The following SERPINI1 variants were observed in gnomAD, a reference collection of about 807,000 sequenced individuals.
SERPINI1 encodes the protein serpin family I member 1.
A neutral mutation model predicts 41.1 loss-of-function variants in SERPINI1; 19 were observed. The ratio of observed to expected loss-of-function variants is 0.46; its 90% confidence interval spans 0.32 to 0.68. The LOEUF (loss-of-function observed/expected upper bound fraction) is 0.68, where lower values mean the gene tolerates loss of function less well. Among genes scored for constraint, SERPINI1 ranks in the 30% least tolerant of loss-of-function variants. SERPINI1 has a pLI of 0.03. For synonymous variants in SERPINI1, 138 were observed against 156.6 expected (o/e 0.88, Z 0.89); for missense variants, 460 against 479.2 (o/e 0.96, Z 0.37).
At chr3:167,768,114 G>A (rs1358890948) in intron 1 of SERPINI1, among the ~76,000 whole-genome samples, 2 of 152,156 alleles carry the variant, frequency 1.3e-5, no homozygotes, top group East Asian at 3.9e-4. Flanking sequence ...AGAGTCCATA[G>A]ATGTGGCAAA....
At chr3:167,741,451 C>G (rs905176900) in intron 1 of SERPINI1, among the ~76,000 whole-genome samples, 11 of 152,268 alleles carry the variant, frequency 7.2e-5, no homozygotes, top group Admixed American at 2.0e-4. Flanking sequence ...AAAGAGCCCA[C>G]TAAAACATTT....
chr3:167,811,569 C>T (rs978459606), intron 6 of SERPINI1, among the ~76,000 whole-genome samples: 41 of 152,034 alleles, frequency 2.7e-4, no homozygotes, highest in East Asian at 5.8e-4. Context: ...AAAGTGATAA[C>T]GGCAGTTGCC....
rs532789935 is a variant in SERPINI1 at position 167,796,020 on chromosome 3, C to G, written c.881+1196C>G. On this transcript the variant is annotated intron_variant, in intron 5 of 8. Transcript: ENST00000446050. ...AAAATTGTTCAAGTATGATTAATTA[C>G]TGTGAGCATTAAGGTGATAAATGAG... Among the ~76,000 whole-genome samples the G allele has an allele frequency of 3.3e-5, 5 of 152,108 alleles. No homozygotes were observed. In the East Asian group the frequency reaches 9.6e-4, roughly 29 times the overall value.
intron 6 of SERPINI1, among the ~76,000 whole-genome samples, chr3:167,812,002 T>C (rs1479565982): frequency 6.6e-6 from 1 of 152,032 alleles, no homozygotes; most frequent in African/African-American, 2.4e-5. Context: ...TGGGGAAAAA[T>C]AAAACCTGCT....
At chr3:167,736,784 G>T (rs984651283) in intron 1 of SERPINI1, among the ~76,000 whole-genome samples, 1 of 152,064 alleles carries the variant, frequency 6.6e-6, no homozygotes, top group Non-Finnish European at 1.5e-5. Context: ...TGTAATGCTG[G>T]GTAAAGATGA....
At chr3:167,745,489 T>C (rs1577396619) in intron 1 of SERPINI1, among the ~76,000 whole-genome samples, 1 of 152,184 alleles carries the variant, frequency 6.6e-6, no homozygotes, top group East Asian at 1.9e-4. Flanking sequence ...AGTCTGAATA[T>C]TTCCCTTTAA....
At chr3:167,738,252 T>C (rs1323682020) in intron 1 of SERPINI1, among the ~76,000 whole-genome samples, 1 of 152,196 alleles carries the variant, frequency 6.6e-6, no homozygotes. Flanking sequence ...GTGCAGAATG[T>C]CTCTCTTGAA....
chr3:167,772,428 C>T (rs1051585579), intron 1 of SERPINI1, among the ~76,000 whole-genome samples: 2 of 152,070 alleles, frequency 1.3e-5, no homozygotes, highest in Non-Finnish European at 2.9e-5. Flanking sequence ...TTGGGTAGCC[C>T]GCCTTGCACT....
At chr3:167,736,295 T>G (rs1411168318) in intron 1 of SERPINI1, among the ~76,000 whole-genome samples, 1 of 152,218 alleles carries the variant, frequency 6.6e-6, no homozygotes, top group Non-Finnish European at 1.5e-5. Context: ...GTGGTTATTT[T>G]GCAGTTTCCT....
At chr3:167,768,030 A>G (rs577073723) in intron 1 of SERPINI1, among the ~76,000 whole-genome samples, 4 of 152,242 alleles carry the variant, frequency 2.6e-5, no homozygotes, top group Non-Finnish European at 5.9e-5. Flanking sequence ...GACTGAATCC[A>G]ATTTTGAAAG....
chr3:167,783,105 A>G (rs780113585), intron 1 of SERPINI1, among the ~76,000 whole-genome samples: 1 of 152,202 alleles, frequency 6.6e-6, no homozygotes, highest in African/African-American at 2.4e-5. Flanking sequence ...GAGGCTCAGC[A>G]TATGTTGGAT....
At chr3:167,770,361 CAA>C (rs1174212367) in intron 1 of SERPINI1, among the ~76,000 whole-genome samples, 1 of 151,978 alleles carries the variant, frequency 6.6e-6, no homozygotes, top group African/African-American at 2.4e-5. Context: ...TCTCCCAACA[CAA>C]GTTATTATTT....
At chr3:167,821,185 C>T (rs867530573) in intron 6 of SERPINI1, among the ~76,000 whole-genome samples, 1 of 152,150 alleles carries the variant, frequency 6.6e-6, no homozygotes, top group Admixed American at 6.5e-5. Flanking sequence ...ACCTGGGACC[C>T]ACCAAATGGC....
intron 5 of SERPINI1, 73 bp downstream of exon 5, chr3:167,794,897 C>A: frequency 8.6e-7 from 1 of 1,158,292 alleles, no homozygotes; most frequent in South Asian, 1.3e-5. Context: ...CCCAGAAAAA[C>A]TCTTCGAACT....
intron 6 of SERPINI1, among the ~76,000 whole-genome samples, chr3:167,811,961 T>C (rs2108569738): frequency 6.6e-6 from 1 of 152,360 alleles, no homozygotes; most frequent in Admixed American, 6.5e-5. Context: ...AATTGTATCT[T>C]TCTTCAAAAA....
intron 1 of SERPINI1, among the ~76,000 whole-genome samples, chr3:167,759,179 C>T (rs189514436): frequency 6.6e-6 from 1 of 152,058 alleles, no homozygotes; most frequent in East Asian, 1.9e-4. Context: ...CATATTGTTC[C>T]CATTTTATAG....
rs146822827 is a variant in SERPINI1 at position 167,740,319 on chromosome 3, C to T, written c.-19+4496C>T. ...GAATTGGGATTACAGGTGTGAACCACCATGCCTTGCTGATATTATTCTTAA... is the reference window on the plus strand; with the variant it reads ...GAATTGGGATTACAGGTGTGAACCATCATGCCTTGCTGATATTATTCTTAA... On this transcript the variant is annotated intron_variant, in intron 1 of 8. Transcript: ENST00000446050. Among the ~76,000 whole-genome samples, 374 of 152,296 alleles carry T rather than the reference C, an allele frequency of 2.5e-3. 2 individuals carry two copies. Among genetic ancestry groups the T allele is most frequent in the African/African-American group, 8.3e-3 (345 of 41,554 alleles).
chr3:167,752,647 T>A (rs927348664), intron 1 of SERPINI1, among the ~76,000 whole-genome samples: 1 of 152,036 alleles, frequency 6.6e-6, no homozygotes, highest in Non-Finnish European at 1.5e-5. Flanking sequence ...CTCTCCTGTA[T>A]AACTTTATAA....
chr3:167,804,545 G>C (rs1711561241), intron 5 of SERPINI1, among the ~76,000 whole-genome samples: 1 of 152,130 alleles, frequency 6.6e-6, no homozygotes, highest in Admixed American at 6.5e-5. Context: ...GTTTAAAAAT[G>C]TATTTCTTCA....
Sources: allele counts gnomAD v4.1 joint callset (sites outside exome capture counted in the v4.1 genomes callset), GRCh38; gene constraint gnomAD v4.1.1; transcripts MANE v1.5; gene names NCBI Gene and HGNC (gene_info 2026-07-23, HGNC 2026-07-21).